CNTN5: variants seen among roughly 807,000 people sequenced by gnomAD.
The protein encoded by CNTN5 is contactin 5, also known as contactin-5.
In CNTN5, 77 loss-of-function variants were observed where a neutral mutation model predicts 129.1. The observed-to-expected ratio is 0.60, with a 90% CI of 0.50 to 0.72. The LOEUF is 0.72. Among genes scored for constraint, CNTN5 ranks in the 30% least tolerant of loss-of-function variants. The pLI is 0.00. For synonymous variants in CNTN5, 509 were observed against 465.6 expected (o/e 1.09, Z -1.20); for missense variants, 1,478 against 1,328.8 (o/e 1.11, Z -1.75).
chr11:100,210,342 T>G (rs984280083), intron 15 of CNTN5, among the ~76,000 whole-genome samples: 3 of 117,550 alleles, frequency 2.6e-5, no homozygotes, highest in African/African-American at 9.4e-5. Flanking sequence ...AGGGCGAGAC[T>G]ATCTCAAAAA....
rs900240584 is a variant in CNTN5, at chr11:99,021,751, A to G, written c.-210+481A>G. Among the ~76,000 whole-genome samples, 58 of 152,332 alleles carry G rather than the reference A, an allele frequency of 3.8e-4. 1 individual carries two copies. The highest frequency in any genetic ancestry group is 1.9e-4 in the East Asian group (1 of 5,182). On this transcript the variant is annotated intron_variant, in intron 1 of 24. Coordinates refer to ENST00000524871, the MANE Select transcript of CNTN5 (RefSeq NM_014361.4). ...TGTTAAAATTCAGTAGGGATGCTCT[A>G]TAAGTGGAGTTCTACAAAGTTCGTG...
intron 4 of CNTN5, among the ~76,000 whole-genome samples, chr11:99,825,939 C>A (rs1946942022): frequency 6.6e-6 from 1 of 152,058 alleles, no homozygotes; most frequent in South Asian, 2.1e-4. Context: ...AATACAACAT[C>A]TTTCTTTTCA....
intron 2 of CNTN5, among the ~76,000 whole-genome samples, chr11:99,383,031 A>G (rs181568250): frequency 6.6e-6 from 1 of 151,268 alleles, no homozygotes; most frequent in Admixed American, 6.6e-5. Flanking sequence ...TAATTTTTGT[A>G]TTTTTAGTAG....
chr11:99,484,227 G>C (rs938535640), intron 2 of CNTN5, among the ~76,000 whole-genome samples: 1 of 151,890 alleles, frequency 6.6e-6, no homozygotes, highest in Non-Finnish European at 1.5e-5. Flanking sequence ...TGAGTTATCT[G>C]AATATACATT....
chr11:100,176,885 G>T (rs1335402868), intron 13 of CNTN5, among the ~76,000 whole-genome samples: 1 of 150,694 alleles, frequency 6.6e-6, no homozygotes, highest in East Asian at 2.0e-4. Flanking sequence ...TGTATAAAAT[G>T]CATATGTAAC....
At chr11:99,767,310 G>C (rs1362902626) in intron 3 of CNTN5, among the ~76,000 whole-genome samples, 2 of 152,042 alleles carry the variant, frequency 1.3e-5, no homozygotes, top group Non-Finnish European at 2.9e-5. Context: ...GAGAGAGAGA[G>C]ACAGACTATG....
intron 3 of CNTN5, among the ~76,000 whole-genome samples, chr11:99,609,080 C>T (rs536428782): frequency 3.9e-5 from 6 of 152,062 alleles, no homozygotes; most frequent in Non-Finnish European, 5.9e-5. Context: ...CTGGAAATGA[C>T]GTGGTTATGA....
chr11:100,336,972 A>G, intron 21 of CNTN5: 1 of 734,404 alleles, frequency 1.4e-6, no homozygotes, highest in Non-Finnish European at 2.5e-6. Context: ...AAAGAAATCA[A>G]GAGCCAGAGC....
intron 2 of CNTN5, among the ~76,000 whole-genome samples, chr11:99,355,821 G>GTTTTTTTTTTTTTT (rs386756715): frequency 7.6e-5 from 10 of 131,132 alleles, no homozygotes; most frequent in African/African-American, 8.4e-5. Context: ...GTTTTTTTTT[G>GTTTTTTTTTTTTTT]TTTTTTTTTT....
intron 4 of CNTN5, among the ~76,000 whole-genome samples, chr11:99,826,512 A>G (rs546118084): frequency 1.3e-5 from 2 of 152,342 alleles, no homozygotes; most frequent in South Asian, 4.1e-4. Context: ...ATTTGGTAAC[A>G]TAGAATAGAG....
In CNTN5 at chr11:100,127,095, ATTTT is replaced by A. The variant is rs5794039; in HGVS notation, c.1580+52825_1580+52828del. Among the ~76,000 whole-genome samples the A allele has an allele frequency of 2.9e-3, 245 of 85,616 alleles. 2 individuals carry two copies. Among genetic ancestry groups the A allele is most frequent in the African/African-American group, 0.01 (223 of 22,002 alleles). 56.2% of individuals were successfully genotyped at this position (85,616 alleles called of 152,430 possible). On this transcript the variant is annotated intron_variant, in intron 13 of 24. Transcript: ENST00000524871. ...AGGTGCACACCACCATGCGCAGCTA[ATTTT>A]TTTTTTTTTTTTTTTTTTTTTTTAG...
intron 2 of CNTN5, among the ~76,000 whole-genome samples, chr11:99,510,461 T>G (rs1208272158): frequency 6.6e-6 from 1 of 152,208 alleles, no homozygotes; most frequent in Non-Finnish European, 1.5e-5. Context: ...GTCTACAATC[T>G]TGTTAACAGA....
intron 1 of CNTN5, among the ~76,000 whole-genome samples, chr11:99,309,222 CTT>C (rs10709951): frequency 0.034 from 4,677 of 137,438 alleles, 102 homozygotes; most frequent in South Asian, 0.049. Flanking sequence ...TTTGCTATTT[CTT>C]TTTTTTTTTT....
At chr11:99,982,327 C>G (rs1297622620) in intron 8 of CNTN5, among the ~76,000 whole-genome samples, 1 of 151,842 alleles carries the variant, frequency 6.6e-6, no homozygotes, top group Admixed American at 6.6e-5. Context: ...ACTGATGTTA[C>G]AAGAAAGAAA....
intron 3 of CNTN5, among the ~76,000 whole-genome samples, chr11:99,780,181 T>TC (rs1189915230): frequency 8.6e-5 from 13 of 151,876 alleles, no homozygotes; most frequent in Middle Eastern, 3.4e-3. Context: ...TTAGTTTTTT[T>TC]CCCCCCCTTC....
chr11:100,104,571 A>T (rs530871023), intron 13 of CNTN5, among the ~76,000 whole-genome samples: 60 of 152,308 alleles, frequency 3.9e-4, no homozygotes, highest in African/African-American at 1.4e-3. Context: ...TGAAAAACAT[A>T]TAATAAAATA....
At chr11:100,025,114 A>G (rs1406531009) in intron 9 of CNTN5, among the ~76,000 whole-genome samples, 1 of 152,146 alleles carries the variant, frequency 6.6e-6, no homozygotes, top group African/African-American at 2.4e-5. Context: ...GGAGGAGGAA[A>G]ATGGTTTTGT....
chr11:99,370,794 G>C (rs931190624), intron 2 of CNTN5, among the ~76,000 whole-genome samples: 1 of 152,150 alleles, frequency 6.6e-6, no homozygotes, highest in South Asian at 2.1e-4. Context: ...AAAGACTCTC[G>C]TGGTAAAGCT....
intron 6 of CNTN5, among the ~76,000 whole-genome samples, chr11:99,884,766 C>A (rs1430830121): frequency 2.6e-5 from 4 of 152,162 alleles, no homozygotes; most frequent in South Asian, 2.1e-4. Flanking sequence ...CGCCTGAAGT[C>A]AGGAATTCAA....
Sources: allele counts gnomAD v4.1 joint callset (sites outside exome capture counted in the v4.1 genomes callset), GRCh38; gene constraint gnomAD v4.1.1; transcripts MANE v1.5; gene names NCBI Gene and HGNC (gene_info 2026-07-23, HGNC 2026-07-21).